Variants in DRC11 observed in about 807,000 individuals in gnomAD.
DRC11 encodes IQ and AAA domain-containing protein 1.
At chr2:236,408,784 G>A in the DRC11 span, 3 of 669,828 alleles carry the variant, frequency 4.5e-6, no homozygotes, top group East Asian at 5.4e-5. This position sits in a 1 kb window ranked among gnomAD's most constrained non-coding sequence, Gnocchi z 5.5. Flanking sequence ...TGGAGGCCTT[G>A]AGGTTTGAGG....
At chr2:236,318,621 G>A in the DRC11 span, among the ~76,000 whole-genome samples, 1 of 147,368 alleles carries the variant, frequency 6.8e-6, no homozygotes, top group Non-Finnish European at 1.5e-5. The surrounding 1 kb of genome is among the most constrained non-coding windows in gnomAD (Gnocchi z 7.0). Flanking sequence ...AGCATGTGGT[G>A]TGCATATATC....
At chr2:236,445,065 G>T in the DRC11 span, among the ~76,000 whole-genome samples, 1 of 152,172 alleles carries the variant, frequency 6.6e-6, no homozygotes, top group Non-Finnish European at 1.5e-5. The surrounding 1 kb of genome is among the most constrained non-coding windows in gnomAD (Gnocchi z 4.8). Context: ...CAAAATGACA[G>T]CACTGTTTTC....
chr2:236,461,317 A>G, the DRC11 span, among the ~76,000 whole-genome samples: 1 of 152,226 alleles, frequency 6.6e-6, no homozygotes, highest in East Asian at 1.9e-4. This position sits in a 1 kb window ranked among gnomAD's most constrained non-coding sequence, Gnocchi z 4.0. Flanking sequence ...AGCACACAGC[A>G]TATAATCCTT....
chr2:236,475,700 A>G, the DRC11 span, among the ~76,000 whole-genome samples: 2 of 152,070 alleles, frequency 1.3e-5, no homozygotes, highest in African/African-American at 2.4e-5. This position sits in a 1 kb window ranked among gnomAD's most constrained non-coding sequence, Gnocchi z 4.8. Flanking sequence ...GCCGGAATCC[A>G]TTATTTTTTG....
the DRC11 span, among the ~76,000 whole-genome samples, chr2:236,358,172 T>C: frequency 3.3e-5 from 4 of 120,680 alleles, no homozygotes; most frequent in Non-Finnish European, 6.4e-5. Flanking sequence ...GAATATATAA[T>C]ATATATACTC....
chr2:236,416,708 C>CAT, the DRC11 span, among the ~76,000 whole-genome samples: 15 of 74,588 alleles, frequency 2.0e-4, no homozygotes, highest in South Asian at 4.6e-4. Flanking sequence ...TATTTATTTA[C>CAT]ATATATATAT....
chr2:236,373,589 T>C, the DRC11 span, among the ~76,000 whole-genome samples: 1 of 152,364 alleles, frequency 6.6e-6, no homozygotes, highest in Non-Finnish European at 1.5e-5. Context: ...TAGGTTTCAG[T>C]ATAGACCTGC....
chr2:236,349,248 G>A, the DRC11 span, among the ~76,000 whole-genome samples: 1 of 152,296 alleles, frequency 6.6e-6, no homozygotes, highest in South Asian at 2.1e-4. The surrounding 1 kb of genome is among the most constrained non-coding windows in gnomAD (Gnocchi z 5.5). Flanking sequence ...GAGGGGGCAA[G>A]CTCCAAGGGG....
chr2:236,358,330 A>G, the DRC11 span, among the ~76,000 whole-genome samples: 2 of 134,530 alleles, frequency 1.5e-5, no homozygotes, highest in South Asian at 4.3e-4. Flanking sequence ...ATATGAATAT[A>G]TATGATATAT....
the DRC11 span, among the ~76,000 whole-genome samples, chr2:236,431,205 T>A: frequency 6.6e-6 from 1 of 152,318 alleles, no homozygotes; most frequent in South Asian, 2.1e-4. The surrounding 1 kb of genome is among the most constrained non-coding windows in gnomAD (Gnocchi z 4.2). Context: ...TTCTCTCTCC[T>A]TCCCAGGTGT....
chr2:236,343,884 C>A, the DRC11 span: 1 of 499,648 alleles, frequency 2.0e-6, no homozygotes, highest in Non-Finnish European at 3.6e-6. This position sits in a 1 kb window ranked among gnomAD's most constrained non-coding sequence, Gnocchi z 6.6. Flanking sequence ...CAAATCATCT[C>A]TACCTGCGAA....
At chr2:236,347,122 G>A in the DRC11 span, among the ~76,000 whole-genome samples, 1 of 152,196 alleles carries the variant, frequency 6.6e-6, no homozygotes, top group Non-Finnish European at 1.5e-5. Flanking sequence ...GCAGTGGCAC[G>A]ATCTTGGCTG....
At chr2:236,462,208 C>G in the DRC11 span, among the ~76,000 whole-genome samples, 1 of 152,124 alleles carries the variant, frequency 6.6e-6, no homozygotes, top group Non-Finnish European at 1.5e-5. This position sits in a 1 kb window ranked among gnomAD's most constrained non-coding sequence, Gnocchi z 6.4. Flanking sequence ...CTGGTACCAC[C>G]TATGCTCATG....
At chr2:236,438,917 C>A in the DRC11 span, among the ~76,000 whole-genome samples, 1 of 150,682 alleles carries the variant, frequency 6.6e-6, no homozygotes, top group African/African-American at 2.4e-5. Flanking sequence ...AAGAATCTCA[C>A]TCAAAACCGC....
the DRC11 span, chr2:236,493,949 TTAAAA>T: frequency 7.0e-7 from 1 of 1,434,162 alleles, no homozygotes; most frequent in Non-Finnish European, 9.3e-7. Context: ...AGAACTTTAT[TTAAAA>T]TATACAGTAA....
the DRC11 span, among the ~76,000 whole-genome samples, chr2:236,450,553 C>G: frequency 1.3e-5 from 2 of 151,990 alleles, no homozygotes; most frequent in South Asian, 4.2e-4. Context: ...CTCTTGACCT[C>G]GTGACTCACC....
At chr2:236,441,829 A>G in the DRC11 span, among the ~76,000 whole-genome samples, 2 of 152,214 alleles carry the variant, frequency 1.3e-5, no homozygotes, top group African/African-American at 4.8e-5. Flanking sequence ...GGCCCTTAAA[A>G]AACTGGTTCC....
At chr2:236,358,566 G>A in the DRC11 span, among the ~76,000 whole-genome samples, 1 of 145,244 alleles carries the variant, frequency 6.9e-6, no homozygotes, top group South Asian at 2.2e-4. Context: ...CACCCCCCAG[G>A]TACCAGTCTC....
the DRC11 span, among the ~76,000 whole-genome samples, chr2:236,427,108 T>C: frequency 1.3e-5 from 2 of 152,336 alleles, no homozygotes; most frequent in South Asian, 4.1e-4. This position sits in a 1 kb window ranked among gnomAD's most constrained non-coding sequence, Gnocchi z 5.9. Flanking sequence ...TGAACCACTC[T>C]TGCGTCCCAA....
Sources: allele counts gnomAD v4.1 joint callset (sites outside exome capture counted in the v4.1 genomes callset), GRCh38; gene constraint gnomAD v4.1.1; non-coding constraint Gnocchi (gnomAD v3.1); transcripts MANE v1.5; gene names NCBI Gene and HGNC (gene_info 2026-07-23, HGNC 2026-07-21).